The following AXDND1 variants were observed in gnomAD, a reference collection of about 807,000 sequenced individuals.
AXDND1 encodes axonemal dynein light chain domain containing 1, also known as axonemal dynein light chain domain-containing protein 1.
In AXDND1, 110 loss-of-function variants were observed where a neutral mutation model predicts 137.5. The ratio of observed to expected loss-of-function variants is 0.80; its 90% confidence interval spans 0.69 to 0.94. The LOEUF (loss-of-function observed/expected upper bound fraction) is 0.94. AXDND1 is among the 40% of genes least tolerant of loss of function. The pLI, the probability that AXDND1 is intolerant of heterozygous loss-of-function variation, is 0.00. For missense variants in AXDND1, 1,191 were observed against 1,169.8 expected, an observed-to-expected ratio of 1.02 and a Z score of -0.26; for synonymous variants, 414 against 399.7, an observed-to-expected ratio of 1.04 and a Z score of -0.43.
chr1:179,408,968 CTTTTTTTTTTT>C (rs74384865), intron 11 of AXDND1, among the ~76,000 whole-genome samples: 3 of 126,402 alleles, frequency 2.4e-5, no homozygotes, highest in Admixed American at 7.8e-5. Context: ...TTTTTTCTTT[CTTTTTTTTTTT>C]TTTTTTTTTT....
At chr1:179,551,339 G>T in intron 25 of AXDND1, 1 of 1,614,192 alleles carries the variant, frequency 6.2e-7, no homozygotes, top group Non-Finnish European at 8.5e-7. Flanking sequence ...TGTGGACAGA[G>T]ACTGAAGGGT....
intron 20 of AXDND1, among the ~76,000 whole-genome samples, chr1:179,508,414 G>A (rs1294652487): frequency 6.6e-6 from 1 of 152,058 alleles, no homozygotes; most frequent in Admixed American, 6.5e-5. Context: ...GGAGCCTACA[G>A]TGGGTCATTT....
intron 20 of AXDND1, among the ~76,000 whole-genome samples, chr1:179,495,043 T>C (rs555114594): frequency 6.6e-6 from 1 of 152,308 alleles, no homozygotes; most frequent in East Asian, 1.9e-4. Flanking sequence ...TTCTGGACAT[T>C]CTGTTGTGTT....
intron 18 of AXDND1, among the ~76,000 whole-genome samples, chr1:179,489,946 A>G (rs575337263): frequency 1.6e-4 from 25 of 152,062 alleles, no homozygotes; most frequent in African/African-American, 4.6e-4. Context: ...GGGTTTCACT[A>G]TGTTAGGCAG....
At chr1:179,534,709 G>C (rs776398884) in intron 24 of AXDND1, 21 bp from the exon 25 acceptor site, 2 of 1,555,166 alleles carry the variant, frequency 1.3e-6, no homozygotes, top group African/African-American at 1.4e-5. Flanking sequence ...CTATTTTGTT[G>C]TGTCTTCTCT....
chr1:179,449,988 A>ATTTTT (rs58716807), intron 16 of AXDND1: 4 of 65,370 alleles, frequency 6.1e-5, no homozygotes, highest in African/African-American at 6.2e-5. Flanking sequence ...GCCAATCTGG[A>ATTTTT]TTTTTTTTTT....
chr1:179,423,860 C>T (rs1656147573), intron 12 of AXDND1, among the ~76,000 whole-genome samples: 1 of 152,170 alleles, frequency 6.6e-6, no homozygotes, highest in African/African-American at 2.4e-5. Context: ...AGGCTTCATA[C>T]TAGAGTTATG....
intron 9 of AXDND1, among the ~76,000 whole-genome samples, chr1:179,391,933 C>T (rs1264280160): frequency 6.6e-6 from 1 of 152,162 alleles, no homozygotes; most frequent in African/African-American, 2.4e-5. Context: ...TTTGCTTTCC[C>T]TTCTGCCATG....
chr1:179,516,056 AT>A lies in AXDND1; in HGVS notation c.2496+6656del, dbSNP rs764482369. Among the ~76,000 whole-genome samples the A allele has an allele frequency of 5.3e-5, 8 of 152,214 alleles. No individual in the cohort carries two copies. In the South Asian group the frequency reaches 6.2e-4, roughly 12 times the overall value. ...GTGTGTGTGGTGGGCTATACCCTCCATTTGTATAAGTACACTATGAGGAACA... is the reference window on the plus strand; with the variant it reads ...GTGTGTGTGGTGGGCTATACCCTCCATTGTATAAGTACACTATGAGGAACA... On this transcript the variant is annotated intron_variant, in intron 21 of 25. Transcript: ENST00000367618.
chr1:179,466,070 C>T (rs1008709184), intron 16 of AXDND1, among the ~76,000 whole-genome samples: 15 of 152,230 alleles, frequency 9.9e-5, no homozygotes, highest in South Asian at 6.2e-4. Context: ...TTGCACTTCC[C>T]GGGTGAGGCA....
chr1:179,455,954 C>A (rs6678359), intron 16 of AXDND1: 179,515 of 227,768 alleles, frequency 0.79, 68,227 homozygotes, highest in East Asian at 0.84. Context: ...GCATGGGTGC[C>A]AAAAAAAAAA....
At chr1:179,451,382 A>C (rs964809142) in intron 16 of AXDND1, 2 of 151,076 alleles carry the variant, frequency 1.3e-5, no homozygotes, top group African/African-American at 4.9e-5. Context: ...TTATTTCTCC[A>C]CAGTTGGTAG....
intron 20 of AXDND1, among the ~76,000 whole-genome samples, chr1:179,500,179 A>G (rs12047808): frequency 0.16 from 24,135 of 151,946 alleles, 2,510 homozygotes; most frequent in African/African-American, 0.28. Context: ...TGAGAGGGGT[A>G]ACACACATTA....
intron 23 of AXDND1, among the ~76,000 whole-genome samples, chr1:179,532,276 G>A (rs574026671): frequency 6.6e-6 from 1 of 152,272 alleles, no homozygotes; most frequent in South Asian, 2.1e-4. Context: ...AGAGTCAGAA[G>A]GCTCAAATGC....
chr1:179,525,745 C>T (rs1670474590), intron 22 of AXDND1, among the ~76,000 whole-genome samples: 2 of 152,016 alleles, frequency 1.3e-5, no homozygotes, highest in South Asian at 2.1e-4. Context: ...CCTCTTACCT[C>T]AGCCTCCTAA....
chr1:179,436,014 T>G (rs1305227117), intron 15 of AXDND1, among the ~76,000 whole-genome samples: 1 of 151,458 alleles, frequency 6.6e-6, no homozygotes, highest in African/African-American at 2.4e-5. Flanking sequence ...AACAACCCCC[T>G]CAAAAAGTGG....
intron 12 of AXDND1, among the ~76,000 whole-genome samples, chr1:179,416,475 T>C (rs1654728729): frequency 6.6e-6 from 1 of 152,156 alleles, no homozygotes; most frequent in Non-Finnish European, 1.5e-5. Context: ...CTGGTTTTAG[T>C]TTTTTGAGGA....
At chr1:179,510,656 A>C (rs938191953) in intron 21 of AXDND1, among the ~76,000 whole-genome samples, 2 of 152,202 alleles carry the variant, frequency 1.3e-5, no homozygotes, top group Admixed American at 6.5e-5. Flanking sequence ...TCTAGGAAAA[A>C]ATCAAGGAAC....
chr1:179,461,097 T>G (rs1355532795), intron 16 of AXDND1, among the ~76,000 whole-genome samples: 1 of 152,222 alleles, frequency 6.6e-6, no homozygotes, highest in Non-Finnish European at 1.5e-5. Context: ...TGCCATTGCT[T>G]TTGGTGTTTT....
Sources: gnomAD v4.1 joint callset for allele counts (sites outside exome capture counted in the v4.1 genomes callset) on GRCh38, gnomAD v4.1.1 for gene constraint, MANE v1.5 for transcripts, NCBI Gene and HGNC (gene_info 2026-07-23, HGNC 2026-07-21) for gene names.